ZFHX3: variants seen among roughly 807,000 people sequenced by gnomAD.
ZFHX3 encodes zinc finger homeobox 3.
Under a neutral mutation model 279.1 loss-of-function variants are expected in ZFHX3, and 42 were observed. The observed-to-expected ratio is 0.15, with a 90% CI of 0.12 to 0.19. ZFHX3 has a LOEUF of 0.19. Among genes scored for constraint, ZFHX3 ranks in the 10% least tolerant of loss-of-function variants. The pLI, the probability that ZFHX3 is intolerant of heterozygous loss-of-function variation, is 1.00. For missense variants in ZFHX3, 4,981 were observed against 4,754.0 expected (o/e 1.05, Z -1.40); for synonymous variants, 2,293 against 1,957.8 (o/e 1.17, Z -4.52).
chr16:73,638,158 T>C (rs2052544716), intron 2 of ZFHX3, among the ~76,000 whole-genome samples: 1 of 152,218 alleles, frequency 6.6e-6, no homozygotes, highest in African/African-American at 2.4e-5. Context: ...TAGAGAATTT[T>C]ATTCCATGGA....
At chr16:73,152,815 G>C (rs1179280303) in intron 5 of ZFHX3, among the ~76,000 whole-genome samples, 2 of 149,264 alleles carry the variant, frequency 1.3e-5, no homozygotes, top group Admixed American at 6.7e-5. Context: ...GGGGAGAGAA[G>C]GGGGCTGGGG....
intron 1 of ZFHX3, among the ~76,000 whole-genome samples, chr16:73,712,177 C>A (rs1419117424): frequency 6.6e-6 from 1 of 152,138 alleles, no homozygotes; most frequent in Non-Finnish European, 1.5e-5. Flanking sequence ...TTTGTCGCCA[C>A]CAAGTTTGTG....
At chr16:73,860,030 C>G (rs1961839598) in intron 1 of ZFHX3, among the ~76,000 whole-genome samples, 1 of 152,120 alleles carries the variant, frequency 6.6e-6, no homozygotes, top group Admixed American at 6.5e-5. Flanking sequence ...CAGTGAAGGT[C>G]ACAGCAACTT....
chr16:73,689,480 G>C (rs188698804), intron 1 of ZFHX3, among the ~76,000 whole-genome samples: 18 of 152,300 alleles, frequency 1.2e-4, no homozygotes, highest in Non-Finnish European at 1.8e-4. Context: ...AGCAGCCCAG[G>C]CTCCATTCAG....
intron 2 of ZFHX3, among the ~76,000 whole-genome samples, chr16:73,594,717 C>T (rs2052031157): frequency 5.3e-5 from 8 of 152,188 alleles, no homozygotes; most frequent in Admixed American, 4.6e-4. Flanking sequence ...CCACTGGCCG[C>T]CCACAAGCCT....
At chr16:73,296,834 A>C (rs1249034671) in intron 4 of ZFHX3, among the ~76,000 whole-genome samples, 1 of 150,856 alleles carries the variant, frequency 6.6e-6, no homozygotes, top group African/African-American at 2.5e-5. Flanking sequence ...AGGGCTTCAG[A>C]AGCATCCTCT....
intron 2 of ZFHX3, among the ~76,000 whole-genome samples, chr16:73,521,491 G>T (rs919404728): frequency 1.3e-5 from 2 of 152,094 alleles, no homozygotes; most frequent in Admixed American, 6.5e-5. Context: ...CTACAGACAG[G>T]GCGGGCAGGG....
chr16:73,284,520 CAGTA>C (rs955246973), intron 4 of ZFHX3, among the ~76,000 whole-genome samples: 1 of 152,074 alleles, frequency 6.6e-6, no homozygotes, highest in African/African-American at 2.4e-5. Flanking sequence ...TTGCAGCCAT[CAGTA>C]AGTAATAGAT....
intron 2 of ZFHX3, among the ~76,000 whole-genome samples, chr16:73,494,609 G>T (rs2019107154): frequency 6.6e-6 from 1 of 152,176 alleles, no homozygotes; most frequent in Admixed American, 6.5e-5. Flanking sequence ...TGCCCAAGCT[G>T]GAGTGCAATG....
intron 5 of ZFHX3, among the ~76,000 whole-genome samples, chr16:72,824,255 A>G (rs934783623): frequency 3.3e-5 from 5 of 152,212 alleles, no homozygotes; most frequent in Non-Finnish European, 7.3e-5. Flanking sequence ...CATATTCCAT[A>G]AACGTACTTT....
At chr16:72,838,820 G>A (rs1732245972) in intron 4 of ZFHX3, among the ~76,000 whole-genome samples, 1 of 152,196 alleles carries the variant, frequency 6.6e-6, no homozygotes, top group African/African-American at 2.4e-5. Context: ...ATCCAGAAAG[G>A]ATAAAAGTAA....
chr16:73,764,341 T>G (rs948463596), intron 1 of ZFHX3, among the ~76,000 whole-genome samples: 1 of 152,146 alleles, frequency 6.6e-6, no homozygotes, highest in African/African-American at 2.4e-5. Context: ...AGAAATCTTT[T>G]TTATATAAAA....
chr16:73,650,955 A>G (rs560601341), intron 2 of ZFHX3, among the ~76,000 whole-genome samples: 3 of 152,234 alleles, frequency 2.0e-5, no homozygotes, highest in Admixed American at 1.3e-4. Flanking sequence ...AAACAGACCT[A>G]TACACATAAA....
At chr16:73,017,143 A>T (rs987884325) in intron 1 of ZFHX3, among the ~76,000 whole-genome samples, 1 of 149,052 alleles carries the variant, frequency 6.7e-6, no homozygotes, top group African/African-American at 2.5e-5. Context: ...CAGGAAGATC[A>T]CCTCCCTCAG....
At chr16:73,789,928 A>G (rs1444573405) in intron 1 of ZFHX3, among the ~76,000 whole-genome samples, 1 of 152,198 alleles carries the variant, frequency 6.6e-6, no homozygotes, top group Non-Finnish European at 1.5e-5. Flanking sequence ...GATAAATTCA[A>G]AGCAGCACTT....
At chr16:73,564,019 G>A (rs1350893983) in intron 2 of ZFHX3, among the ~76,000 whole-genome samples, 1 of 152,168 alleles carries the variant, frequency 6.6e-6, no homozygotes, top group Non-Finnish European at 1.5e-5. Flanking sequence ...GGCTTCAATT[G>A]AAATCCAAAG....
intron 2 of ZFHX3, among the ~76,000 whole-genome samples, chr16:73,672,210 T>G (rs933962417): frequency 2.6e-5 from 4 of 152,296 alleles, no homozygotes; most frequent in African/African-American, 9.6e-5. Context: ...AGGAAGCATA[T>G]TCCCATCTCA....
intron 3 of ZFHX3, among the ~76,000 whole-genome samples, chr16:73,370,985 C>T (rs922391095): frequency 1.3e-5 from 2 of 152,062 alleles, no homozygotes; most frequent in Non-Finnish European, 2.9e-5. Flanking sequence ...ATAATGCTCT[C>T]CTGATTGGAA....
At chr16:73,170,519 C>T (rs967052987) in intron 5 of ZFHX3, among the ~76,000 whole-genome samples, 6 of 152,070 alleles carry the variant, frequency 3.9e-5, no homozygotes, top group Admixed American at 1.3e-4. Flanking sequence ...AGTGAGCCAC[C>T]GTGCCCAGCC....
Sources: gnomAD v4.1 joint callset for allele counts (sites outside exome capture counted in the v4.1 genomes callset) on GRCh38, gnomAD v4.1.1 for gene constraint, MANE v1.5 for transcripts, NCBI Gene and HGNC (gene_info 2026-07-23, HGNC 2026-07-21) for gene names.